The following TSPAN4 variants were observed in gnomAD, a reference collection of about 807,000 sequenced individuals.
The protein encoded by TSPAN4 is tetraspanin 4, also known as tetraspanin-4.
Under a neutral mutation model 31.5 loss-of-function variants are expected in TSPAN4, and 38 were observed. That is an observed-to-expected ratio of 1.21 (90% CI 0.93 to 1.58). The LOEUF (loss-of-function observed/expected upper bound fraction) is 1.58, where lower values mean the gene tolerates loss of function less well. Ranked by LOEUF, TSPAN4 falls within the 40% of genes most tolerant of loss-of-function variation. The pLI, the probability that TSPAN4 is intolerant of heterozygous loss-of-function variation, is 0.00. For missense variants in TSPAN4, 330 were observed against 317.3 expected, an observed-to-expected ratio of 1.04 and a Z score of -0.30; for synonymous variants, 186 against 144.6, an observed-to-expected ratio of 1.29 and a Z score of -2.06.
intron 3 of TSPAN4, among the ~76,000 whole-genome samples, chr11:860,980 G>A (rs954324799): frequency 2.0e-5 from 3 of 152,096 alleles, no homozygotes; most frequent in Non-Finnish European, 2.9e-5. Flanking sequence ...CAGCATTTTC[G>A]GGGGACTGCT....
At chr11:865,654 CT>C (rs773069984) in intron 6 of TSPAN4, 39 bp from the exon 7 acceptor site, 30 of 1,612,334 alleles carry the variant, frequency 1.9e-5, no homozygotes, top group Non-Finnish European at 2.4e-5. Flanking sequence ...CGGGTGCCCC[CT>C]CCCCTCCTGC....
intron 3 of TSPAN4, among the ~76,000 whole-genome samples, chr11:860,702 G>A (rs1353885212): frequency 2.0e-5 from 3 of 152,170 alleles, no homozygotes; most frequent in Admixed American, 6.5e-5. Flanking sequence ...GCTTTTATGG[G>A]GTGACTTGGG....
intron 8 of TSPAN4, 106 bp downstream of exon 8, chr11:866,107 G>A (rs1210584237): frequency 2.2e-5 from 28 of 1,258,714 alleles, no homozygotes; most frequent in Non-Finnish European, 3.1e-5. Context: ...CACGATCGGG[G>A]GAGGCCGGGG....
At chr11:851,029 T>C (rs1847668591) in intron 3 of TSPAN4, among the ~76,000 whole-genome samples, 1 of 152,194 alleles carries the variant, frequency 6.6e-6, no homozygotes, top group South Asian at 2.1e-4. Flanking sequence ...TCAGGTGTGC[T>C]CAGACCTGCA....
At chr11:845,064 G>C (rs1359375562) in intron 1 of TSPAN4, among the ~76,000 whole-genome samples, 4 of 152,202 alleles carry the variant, frequency 2.6e-5, no homozygotes, top group Non-Finnish European at 5.9e-5. Context: ...GGTGGGATCA[G>C]AAACTGCCCG....
intron 3 of TSPAN4, among the ~76,000 whole-genome samples, chr11:856,441 C>A (rs1848047281): frequency 6.6e-6 from 1 of 152,180 alleles, no homozygotes; most frequent in South Asian, 2.1e-4. Flanking sequence ...GTGAAGAGGT[C>A]TGGGACGGAG....
At chr11:854,548 C>T (rs1397214039) in intron 3 of TSPAN4, among the ~76,000 whole-genome samples, 1 of 152,178 alleles carries the variant, frequency 6.6e-6, no homozygotes, top group Admixed American at 6.5e-5. Context: ...AGTCTCGGAG[C>T]CAGGTGGTCC....
At chr11:866,349 T>C (rs546206043) in intron 8 of TSPAN4, among the ~76,000 whole-genome samples, 15 of 148,872 alleles carry the variant, frequency 1.0e-4, no homozygotes, top group Admixed American at 2.0e-4. Flanking sequence ...GGTGTCCTCA[T>C]GCCTGCAAGG....
chr11:850,340 C>T lies in TSPAN4; in HGVS notation c.36C>T (p.Leu12=), dbSNP rs752159258. The T allele has an allele frequency of 6.2e-7, 1 of 1,606,978 alleles. No homozygotes were observed. Among genetic ancestry groups the T allele is most frequent in the South Asian group, 1.1e-5 (1 of 90,988 alleles). ...CCTGCCTCCAGGCCGTCAAGTACCTCATGTTCGCCTTCAACCTGCTCTTCT... is the reference window on the plus strand; with the variant it reads ...CCTGCCTCCAGGCCGTCAAGTACCTTATGTTCGCCTTCAACCTGCTCTTCT... The part of the protein sequence containing the change: ...ARACLQAVKY[L]MFAFNLLFWL... The change falls in exon 3 of 9, where the codon CTC becomes CTT. Residue 12 remains leucine (L), a synonymous_variant. Coordinates refer to ENST00000397397, the MANE Select transcript of TSPAN4 (RefSeq NM_003271.5).
rs912764740 is a variant in TSPAN4, at chr11:851,771, C to T, written c.63+1404C>T. On this transcript the variant is annotated intron_variant, in intron 3 of 8. Transcript: ENST00000397397. Reference sequence around the variant, plus strand: ...CTGAGTGACCAGAGTGTTTCTGTGACGGGGGGACGGGGCAGAATGACTGAA... The same window carrying T: ...CTGAGTGACCAGAGTGTTTCTGTGATGGGGGGACGGGGCAGAATGACTGAA... 6.8e-5 allele frequency among the ~76,000 whole-genome samples: 10 copies of T among 148,026 alleles called. No homozygotes were observed. The East Asian group carries it at 9.9e-4, about 15-fold the overall frequency.
intron 1 of TSPAN4, chr11:843,242 C>T (rs1847071493): frequency 6.6e-6 from 1 of 152,316 alleles, no homozygotes; most frequent in Admixed American, 6.5e-5. Context: ...GCCCTGGCCT[C>T]AGCTGCGCAA....
intron 5 of TSPAN4, 186 bp downstream of exon 5, chr11:864,697 G>A (rs1006626522): frequency 2.8e-6 from 2 of 703,652 alleles, no homozygotes; most frequent in Non-Finnish European, 2.4e-6. Context: ...GCTGTGCTGT[G>A]GCTCTATAGC....
chr11:856,482 A>G (rs573503274), intron 3 of TSPAN4, among the ~76,000 whole-genome samples: 1 of 152,208 alleles, frequency 6.6e-6, no homozygotes, highest in African/African-American at 2.4e-5. Context: ...CCCAGCTGCC[A>G]TCATTCCTAG....
At position 865,835 on chromosome 11, in the gene TSPAN4, A is replaced by T. The variant is rs773227247; in HGVS notation, c.564+10A>T. ...CACCTGGTGGAAGGCGGTGAGTGAG[A>T]CCCCCACCCTGGGGGCTGGTAGGGG... On this transcript the variant is annotated intron_variant, in intron 7 of 8. Coordinates refer to ENST00000397397, the MANE Select transcript of TSPAN4 (RefSeq NM_003271.5). 6.2e-7 allele frequency: 1 copy of T among 1,611,714 alleles called. No homozygotes were observed. Among genetic ancestry groups the T allele is most frequent in the Non-Finnish European group, 8.5e-7 (1 of 1,179,552 alleles).
At chr11:857,851 G>A (rs907655101) in intron 3 of TSPAN4, 2 of 152,402 alleles carry the variant, frequency 1.3e-5, no homozygotes, top group South Asian at 2.1e-4. Flanking sequence ...CTGAGCTGCT[G>A]ATGGCCATCT....
Position 862,748 on chromosome 11 carries a change from G to T in TSPAN4, c.255+7G>T. ...CAAGTGCCTCCTGCTCACTGTGAGT[G>T]CCGGGGCCCAAGCGATGCTCCGGGT... is the stretch of plus-strand genomic sequence containing the variant. On this transcript the variant is annotated splice_region_variant and intron_variant, in intron 4 of 8. Coordinates refer to ENST00000397397, the MANE Select transcript of TSPAN4 (RefSeq NM_003271.5). The T allele has an allele frequency of 6.2e-7, 1 of 1,606,518 alleles. No individual in the cohort carries two copies.
At chr11:850,113 C>T (rs1847579355) in intron 2 of TSPAN4, 175 bp from the exon 3 acceptor site, 1 of 481,312 alleles carries the variant, frequency 2.1e-6, no homozygotes. Flanking sequence ...GCGCGGCGGC[C>T]CCTTCCGGCG....
intron 2 of TSPAN4, chr11:849,807 C>T (rs1244351899): frequency 1.1e-5 from 1 of 91,366 alleles, no homozygotes; most frequent in Admixed American, 1.1e-4. Flanking sequence ...GGGCGCGGGG[C>T]GGGGCGCGCG....
intron 1 of TSPAN4, chr11:843,951 G>A (rs1165733599): frequency 6.6e-6 from 1 of 152,354 alleles, no homozygotes; most frequent in Non-Finnish European, 1.5e-5. Context: ...CACGCTTGGG[G>A]TTTCCGCTCC....
Sources: gnomAD v4.1 joint callset for allele counts (sites outside exome capture counted in the v4.1 genomes callset) on GRCh38, gnomAD v4.1.1 for gene constraint, MANE v1.5 for transcripts, NCBI Gene and HGNC (gene_info 2026-07-23, HGNC 2026-07-21) for gene names.